Variants in VPS13A observed in about 807,000 individuals in gnomAD.
VPS13A encodes vacuolar protein sorting 13 homolog A.
VPS13A carries 264 observed loss-of-function variants against 390.9 expected under a neutral mutation model. The observed-to-expected ratio is 0.68, with a 90% CI of 0.61 to 0.75. The LOEUF is 0.75. Among genes scored for constraint, VPS13A ranks in the 30% least tolerant of loss-of-function variants. The probability of loss-of-function intolerance (pLI) is 0.00; values close to 1 mark genes in which losing one functional copy is unlikely to be tolerated. For missense variants in VPS13A, 3,409 were observed against 3,733.9 expected, an observed-to-expected ratio of 0.91 and a Z score of 2.27; for synonymous variants, 1,231 against 1,227.1, an observed-to-expected ratio of 1.00 and a Z score of -0.07.
rs769185876 is a variant in VPS13A at position 77,366,800 on chromosome 9, C to A, written c.8399C>A (p.Pro2800Gln). Reference protein sequence around the residue: ...KDSKQNGGLIPVHSLNLLLKS... With the variant: ...KDSKQNGGLIQVHSLNLLLKS... ...TCAAAACAAAATGGAGGACTGATTC[C>A]AGTTCATTCTTTAAATCTTTTGCTG... is the stretch of plus-strand genomic sequence containing the variant. Residue 2800 changes from proline to glutamine, a missense_variant, in exon 61 of 72, where the codon CCA becomes CAA. This residue lies in a region of VPS13A where 123 missense variants were observed against 118.7 expected (regional missense o/e 1.04). Transcript: ENST00000360280. 1.2e-6 allele frequency: 2 copies of A among 1,613,044 alleles called. No individual in the cohort carries two copies. Among genetic ancestry groups the A allele is most frequent in the East Asian group, 4.5e-5 (2 of 44,770 alleles).
At chr9:77,199,467 C>A (rs1825199225) in intron 1 of VPS13A, among the ~76,000 whole-genome samples, 1 of 152,118 alleles carries the variant, frequency 6.6e-6, no homozygotes, top group African/African-American at 2.4e-5. Flanking sequence ...TGCAATTGTC[C>A]TATAGTTCTT....
chr9:77,276,045 C>A lies in VPS13A; in HGVS notation c.2668-20C>A, dbSNP rs746122679. ...TTTTTGTTTTATGTAGTGGTAATTTCTTTTTTCTTTCTTCTCCAGGTTTTG... is the reference window on the plus strand; with the variant it reads ...TTTTTGTTTTATGTAGTGGTAATTTATTTTTTCTTTCTTCTCCAGGTTTTG... On this transcript the variant is annotated intron_variant, in intron 25 of 71. Coordinates refer to ENST00000360280, the MANE Select transcript of VPS13A (RefSeq NM_033305.3). 1.4e-5 allele frequency: 23 copies of A among 1,608,364 alleles called. No individual in the cohort carries two copies. Among genetic ancestry groups the A allele is most frequent in the Non-Finnish European group, 1.8e-5 (21 of 1,179,412 alleles).
chr9:77,322,156 G>T (rs1166275203), intron 44 of VPS13A, among the ~76,000 whole-genome samples: 1 of 151,016 alleles, frequency 6.6e-6, no homozygotes, highest in Non-Finnish European at 1.5e-5. Flanking sequence ...GTGAATTCAT[G>T]CAGATGGCAA....
intron 29 of VPS13A, among the ~76,000 whole-genome samples, chr9:77,282,807 G>A (rs1420916694): frequency 6.6e-6 from 1 of 151,974 alleles, no homozygotes; most frequent in African/African-American, 2.4e-5. Context: ...AATTAGTTGG[G>A]CATGGTGGTG....
Position 77,359,554 on chromosome 9 carries a change from A to T in VPS13A, c.8105+152A>T, listed in dbSNP as rs1832021052. ...ATAAAAAAATATAATGTTGTGGCTCACGCCTGTAATGCCAGCACTTTGGGA... is the reference window on the plus strand; with the variant it reads ...ATAAAAAAATATAATGTTGTGGCTCTCGCCTGTAATGCCAGCACTTTGGGA... On this transcript the variant is annotated intron_variant, in intron 58 of 71. Transcript: ENST00000360280. 4 of 830,120 alleles carry T rather than the reference A, an allele frequency of 4.8e-6. No individual in the cohort carries two copies. In the African/African-American group the frequency reaches 6.9e-5, roughly 14 times the overall value. The allele number at this position is 830,120 out of a possible 1,614,324, so 51.4% of individuals were successfully genotyped here. A position where few individuals can be genotyped will look rare whatever the true frequency, so the allele number is the denominator to read the frequency against.
At position 77,368,087 on chromosome 9, in the gene VPS13A, A is replaced by G. The variant is rs1832535487; in HGVS notation, c.8504A>G (p.His2835Arg). 2 of 1,612,652 alleles carry G rather than the reference A, an allele frequency of 1.2e-6. No homozygotes were observed. Among genetic ancestry groups the G allele is most frequent in the East Asian group, 2.2e-5 (1 of 44,766 alleles). The change falls in exon 62 of 72, where the codon CAT becomes CGT. Residue 2835 changes from histidine to arginine, a missense_variant. Around this residue, in one of 5 missense-constraint regions of VPS13A, gnomAD observed 123 missense variants for 118.7 expected, o/e 1.04. Transcript: ENST00000360280. ...TTTTTTGAACTCAACTATCAGTTCC[A>G]TACAACATCCGATCTACAGTCTGAA... ...LAFFELNYQFHTTSDLQSEVI... is the reference protein window; with the variant it reads ...LAFFELNYQFRTTSDLQSEVI...
chr9:77,362,622 T>C (rs1296077118), intron 59 of VPS13A, among the ~76,000 whole-genome samples: 1 of 152,202 alleles, frequency 6.6e-6, no homozygotes, highest in Non-Finnish European at 1.5e-5. Context: ...CATATGAATT[T>C]TAGAATCAAC....
intron 2 of VPS13A, among the ~76,000 whole-genome samples, chr9:77,200,420 T>C (rs1181053990): frequency 6.6e-6 from 1 of 152,026 alleles, no homozygotes; most frequent in Admixed American, 6.6e-5. Flanking sequence ...ACCCAGGAGG[T>C]GGAGGCTGTA....
chr9:77,191,635 G>A (rs183132790), intron 1 of VPS13A, among the ~76,000 whole-genome samples: 6 of 152,142 alleles, frequency 3.9e-5, no homozygotes, highest in South Asian at 2.1e-4. Flanking sequence ...TTAAGATTTC[G>A]TTGTTTACCC....
At chr9:77,239,551 A>G (rs1255043896) in intron 19 of VPS13A, among the ~76,000 whole-genome samples, 1 of 151,886 alleles carries the variant, frequency 6.6e-6, no homozygotes, top group Non-Finnish European at 1.5e-5. Flanking sequence ...TATGAAGTAC[A>G]AAGTTTCTTT....
intron 71 of VPS13A, among the ~76,000 whole-genome samples, chr9:77,408,663 G>A (rs1274597596): frequency 2.0e-5 from 3 of 152,258 alleles, no homozygotes; most frequent in Admixed American, 1.3e-4. Flanking sequence ...CTGGCTCGGA[G>A]GGTCCTACGC....
chr9:77,324,761 G>A (rs1051637166), intron 45 of VPS13A, among the ~76,000 whole-genome samples: 9 of 147,992 alleles, frequency 6.1e-5, no homozygotes, highest in African/African-American at 2.0e-4. Context: ...CACTGGAGCC[G>A]CATCTCCTGG....
chr9:77,220,246 C>T (rs376080899), intron 11 of VPS13A, 31 bp from the exon 12 acceptor site: 11 of 1,580,472 alleles, frequency 7.0e-6, no homozygotes, highest in South Asian at 1.1e-5. Flanking sequence ...AAATGTGATA[C>T]ATTTAAGAGC....
chr9:77,364,957 GA>G (rs1323651679), intron 59 of VPS13A, among the ~76,000 whole-genome samples: 1 of 152,110 alleles, frequency 6.6e-6, no homozygotes, highest in Non-Finnish European at 1.5e-5. Context: ...TCAACACATA[GA>G]AGTTACTTCC....
intron 20 of VPS13A, 47 bp downstream of exon 20, chr9:77,247,442 T>G (rs753543252): frequency 2.3e-5 from 35 of 1,532,732 alleles, no homozygotes; most frequent in Non-Finnish European, 1.8e-6. Flanking sequence ...TTGGGGTGTT[T>G]CTTTGTTTTA....
rs1426654246 is a variant in VPS13A, at chr9:77,207,216, TA to T, written c.385+1138del. 4.9e-3 allele frequency among the ~76,000 whole-genome samples: 216 copies of T among 44,054 alleles called. 5 individuals are homozygous for T. The highest frequency in any genetic ancestry group is 0.024 in the African/African-American group (200 of 8,200). The allele number at this position is 44,054 out of a possible 152,430, so 28.9% of individuals were successfully genotyped here. On this transcript the variant is annotated intron_variant, in intron 5 of 71. Coordinates refer to ENST00000360280, the MANE Select transcript of VPS13A (RefSeq NM_033305.3). Reference sequence around the variant, plus strand: ...TGTGTCTTGATTTATTTAGATATTATATATATATATATATATATATATATAT... The same window carrying T: ...TGTGTCTTGATTTATTTAGATATTATTATATATATATATATATATATATAT...
intron 1 of VPS13A, among the ~76,000 whole-genome samples, chr9:77,196,035 T>G (rs1325798785): frequency 6.6e-6 from 1 of 152,160 alleles, no homozygotes; most frequent in Non-Finnish European, 1.5e-5. Flanking sequence ...TAATTTTTCT[T>G]GGGGTTACCT....
At chr9:77,391,793 TATAG>T (rs1833910543) in intron 68 of VPS13A, among the ~76,000 whole-genome samples, 1 of 152,170 alleles carries the variant, frequency 6.6e-6, no homozygotes, top group South Asian at 2.1e-4. Flanking sequence ...TATGGATAGA[TATAG>T]ATATATAAAA....
At chr9:77,280,693 A>G (rs966013321) in intron 27 of VPS13A, among the ~76,000 whole-genome samples, 1 of 152,044 alleles carries the variant, frequency 6.6e-6, no homozygotes, top group Admixed American at 6.5e-5. Context: ...ACTATGGTCT[A>G]TTTCTAATTT....
Sources: allele counts gnomAD v4.1 joint callset (sites outside exome capture counted in the v4.1 genomes callset), GRCh38; gene constraint gnomAD v4.1.1; regional missense constraint gnomAD v4.1.1; transcripts MANE v1.5; gene names NCBI Gene and HGNC (gene_info 2026-07-23, HGNC 2026-07-21).